NCAPH: variants seen among roughly 807,000 people sequenced by gnomAD.
The protein encoded by NCAPH is non-SMC condensin I complex subunit H, also known as condensin complex subunit 2.
In NCAPH, 38 loss-of-function variants were observed where a neutral mutation model predicts 85.5. That is an observed-to-expected ratio of 0.44 (90% confidence interval 0.34 to 0.58). The LOEUF (loss-of-function observed/expected upper bound fraction) is 0.58. NCAPH is among the 20% of genes least tolerant of loss of function. The probability of loss-of-function intolerance (pLI) is 0.01; values close to 1 mark genes in which losing one functional copy is unlikely to be tolerated. For missense variants in NCAPH, 789 were observed against 916.6 expected, an observed-to-expected ratio of 0.86 and a Z score of 1.80; for synonymous variants, 301 against 335.1, an observed-to-expected ratio of 0.90 and a Z score of 1.11.
intron 17 of NCAPH, 97 bp downstream of exon 17, chr2:96,369,597 T>A (rs1006592927): frequency 1.2e-4 from 149 of 1,271,720 alleles, no homozygotes; most frequent in Non-Finnish European, 1.5e-4. Flanking sequence ...TAACATAGGA[T>A]TTCTTAAATA....
At chr2:96,366,179 C>A in intron 14 of NCAPH, 121 bp downstream of exon 14, 1 of 1,154,448 alleles carries the variant, frequency 8.7e-7, no homozygotes, top group Non-Finnish European at 1.2e-6. Flanking sequence ...CTGTTGCTCT[C>A]CAAGTTTTAA....
chr2:96,359,064 G>A lies in NCAPH; in HGVS notation c.1228G>A (p.Gly410Arg), dbSNP rs2064567600. The A allele has an allele frequency of 6.2e-7, 1 of 1,614,086 alleles. No individual in the cohort carries two copies. The highest frequency in any genetic ancestry group is 1.1e-5 in the South Asian group (1 of 91,066). ...TTACAGGGAAGAAATGATTTCCCTTGGGGATGGAGACATCAGGACCATGTG... is the reference window on the plus strand; with the variant it reads ...TTACAGGGAAGAAATGATTTCCCTTAGGGATGGAGACATCAGGACCATGTG... Reference protein sequence around the residue: ...QSCQEEMISLGDGDIRTMCPL... With the variant: ...QSCQEEMISLRDGDIRTMCPL... The change falls in exon 10 of 18, where the codon GGG becomes AGG. Residue 410 changes from glycine (G) to arginine (R), a missense_variant. By Grantham distance (125) the Gly-to-Arg change is moderately radical. Transcript: ENST00000240423.
chr2:96,363,816 G>A (rs1463892568), intron 12 of NCAPH, among the ~76,000 whole-genome samples: 1 of 152,004 alleles, frequency 6.6e-6, no homozygotes, highest in Non-Finnish European at 1.5e-5. Context: ...GTTAATTAAG[G>A]TAATGGGTTT....
At chr2:96,338,480 G>C (rs578238580) in intron 1 of NCAPH, among the ~76,000 whole-genome samples, 2 of 152,176 alleles carry the variant, frequency 1.3e-5, no homozygotes, top group African/African-American at 4.8e-5. Context: ...CCCTAAAGGT[G>C]TCCAGAACCT....
At chr2:96,370,366 G>A (rs2290909) in intron 17 of NCAPH, among the ~76,000 whole-genome samples, 7 of 152,204 alleles carry the variant, frequency 4.6e-5, no homozygotes, top group Non-Finnish European at 7.3e-5. Context: ...TGTGAACGCC[G>A]AAATGTGGTT....
At chr2:96,360,336 A>G in intron 11 of NCAPH, 87 bp downstream of exon 11, 5 of 871,472 alleles carry the variant, frequency 5.7e-6, no homozygotes, top group Non-Finnish European at 9.0e-6. Context: ...TTTAACTGTT[A>G]GAGCAAACAG....
In NCAPH at chr2:96,354,245, A is replaced by C; in HGVS notation, c.1065A>C (p.Glu355Asp). 6.2e-7 allele frequency: 1 copy of C among 1,614,118 alleles called. No individual in the cohort carries two copies. The highest frequency in any genetic ancestry group is 8.5e-7 in the Non-Finnish European group (1 of 1,180,040). Residue 355 changes from glutamate to aspartate, a missense_variant, in exon 9 of 18, where the codon GAA becomes GAC. Physicochemically the swap from Glu to Asp is conservative, Grantham distance 45. Transcript: ENST00000240423. ...ACCAGGTATTTGACATCAATGCTGAAGTTGACGAGAGTGACTGTGGAGACT... is the reference window on the plus strand; with the variant it reads ...ACCAGGTATTTGACATCAATGCTGACGTTGACGAGAGTGACTGTGGAGACT... ...KNDQVFDINAEVDESDCGDFP... is the reference protein window; with the variant it reads ...KNDQVFDINADVDESDCGDFP...
intron 11 of NCAPH, 107 bp from the exon 12 acceptor site, chr2:96,360,481 A>C (rs1217319712): frequency 7.7e-7 from 1 of 1,294,328 alleles, no homozygotes; most frequent in Non-Finnish European, 1.1e-6. Context: ...TGTGAGACTG[A>C]TGGTAGACTC....
In NCAPH at chr2:96,344,143, G is replaced by A. The variant is rs371795113; in HGVS notation, c.634G>A (p.Val212Ile). 27 of 1,613,446 alleles carry A rather than the reference G, an allele frequency of 1.7e-5. No individual in the cohort carries two copies. The highest frequency in any genetic ancestry group is 8.4e-5 in the Admixed American group (5 of 59,782). The change falls in exon 6 of 18, where the codon GTA becomes ATA. Residue 212 changes from valine (V) to isoleucine (I), a missense_variant. By Grantham distance (29) the Val-to-Ile change is conservative. Coordinates refer to ENST00000240423, the MANE Select transcript of NCAPH (RefSeq NM_015341.5). ...TGAAATGGGAACAACCAAAAAGGCTGTAAAGCCAAAGAAGAAGCACTTACA... is the reference window on the plus strand; with the variant it reads ...TGAAATGGGAACAACCAAAAAGGCTATAAAGCCAAAGAAGAAGCACTTACA... ...ATEMGTTKKA[V>I]KPKKKHLHRT...
At position 96,376,446 on chromosome 2, in the gene NCAPH, C is replaced by T. The variant is rs1176164556; in HGVS notation, c.*3095C>T. 6.6e-6 allele frequency among the ~76,000 whole-genome samples: 1 copy of T among 152,160 alleles called. No homozygotes were observed. Among genetic ancestry groups the T allele is most frequent in the African/African-American group, 2.4e-5 (1 of 41,448 alleles). ...ATATCTGAAGGGGGTTTGTAGTTCCCAGTAAAGTATGGTACAGCTAGGTGC... is the reference window on the plus strand; with the variant it reads ...ATATCTGAAGGGGGTTTGTAGTTCCTAGTAAAGTATGGTACAGCTAGGTGC... On this transcript the variant is annotated 3_prime_UTR_variant, in exon 18 of 18. Transcript: ENST00000240423.
intron 6 of NCAPH, among the ~76,000 whole-genome samples, chr2:96,347,163 C>T (rs2064372495): frequency 6.6e-6 from 1 of 152,094 alleles, no homozygotes; most frequent in African/African-American, 2.4e-5. Context: ...CCTGGCCCAC[C>T]TGTAGGCCAC....
intron 12 of NCAPH, among the ~76,000 whole-genome samples, chr2:96,361,767 TACA>T (rs2064616146): frequency 8.1e-6 from 1 of 122,892 alleles, no homozygotes; most frequent in African/African-American, 3.0e-5. Context: ...TATATATATA[TACA>T]TATATATATA....
chr2:96,373,142 T>C (rs891477818), intron 17 of NCAPH, 150 bp from the exon 18 acceptor site: 1 of 668,046 alleles, frequency 1.5e-6, no homozygotes, highest in Non-Finnish European at 2.5e-6. Flanking sequence ...AGGTTTTTCA[T>C]GCAAATTATA....
intron 12 of NCAPH, 146 bp downstream of exon 12, chr2:96,360,856 A>T: frequency 9.7e-7 from 1 of 1,025,850 alleles, no homozygotes; most frequent in Non-Finnish European, 1.4e-6. Context: ...CAAATAGATA[A>T]GGCAAAGAAA....
intron 9 of NCAPH, among the ~76,000 whole-genome samples, chr2:96,355,418 C>G (rs2064510434): frequency 6.6e-6 from 1 of 152,090 alleles, no homozygotes; most frequent in Non-Finnish European, 1.5e-5. Context: ...AGTATAATTT[C>G]CCGCTATGAC....
Position 96,335,823 on chromosome 2 carries a change from A to T in NCAPH, c.-7A>T. 6.7e-7 allele frequency: 1 copy of T among 1,497,140 alleles called. No homozygotes were observed. The highest frequency in any genetic ancestry group is 8.9e-7 in the Non-Finnish European group (1 of 1,126,332). The allele number at this position is 1,497,140 out of a possible 1,614,324, so 92.7% of individuals were successfully genotyped here. A position where few individuals can be genotyped will look rare whatever the true frequency, so the allele number is the denominator to read the frequency against. On this transcript the variant is annotated 5_prime_UTR_variant, in exon 1 of 18. The change creates a new upstream start codon in the 5' untranslated region. Coordinates refer to ENST00000240423, the MANE Select transcript of NCAPH (RefSeq NM_015341.5). Reference sequence around the variant, plus strand: ...TTTAAAACCAGCTCAGGAGACGCCAAGGAAAGATGGGACCTCCCGGCCCAG... The same window carrying T: ...TTTAAAACCAGCTCAGGAGACGCCATGGAAAGATGGGACCTCCCGGCCCAG...
chr2:96,370,678 C>T (rs2064760562), intron 17 of NCAPH, among the ~76,000 whole-genome samples: 1 of 152,192 alleles, frequency 6.6e-6, no homozygotes, highest in Non-Finnish European at 1.5e-5. Context: ...TTAGCAGAAG[C>T]TAGTTTTGAT....
chr2:96,353,661 A>G (rs1419704356), intron 8 of NCAPH, among the ~76,000 whole-genome samples: 1 of 152,062 alleles, frequency 6.6e-6, no homozygotes, highest in Non-Finnish European at 1.5e-5. Context: ...CCCTGGCATT[A>G]ATCAGTGAAC....
At chr2:96,361,767 TAC>T (rs1399676386) in intron 12 of NCAPH, among the ~76,000 whole-genome samples, 79 of 122,858 alleles carry the variant, frequency 6.4e-4, no homozygotes, top group Admixed American at 5.9e-4. Flanking sequence ...TATATATATA[TAC>T]ATATATATAT....
Sources: gnomAD v4.1 joint callset for allele counts (sites outside exome capture counted in the v4.1 genomes callset) on GRCh38, gnomAD v4.1.1 for gene constraint, MANE v1.5 for transcripts, NCBI Gene and HGNC (gene_info 2026-07-23, HGNC 2026-07-21) for gene names.